SLC35F4: variants seen among roughly 807,000 people sequenced by gnomAD.
SLC35F4 encodes solute carrier family 35 member F4, also known as chromosome 14 open reading frame 36.
Under a neutral mutation model 44.2 loss-of-function variants are expected in SLC35F4, and 24 were observed. The observed-to-expected ratio is 0.54, with a 90% CI of 0.39 to 0.76. The LOEUF is 0.76. SLC35F4 is among the 30% of genes least tolerant of loss of function. The probability of loss-of-function intolerance (pLI) is 0.00; values close to 1 mark genes in which losing one functional copy is unlikely to be tolerated. For synonymous variants in SLC35F4, 238 were observed against 223.6 expected (o/e 1.06, Z -0.57); for missense variants, 562 against 586.1 (o/e 0.96, Z 0.42).
intron 1 of SLC35F4, among the ~76,000 whole-genome samples, chr14:57,782,462 G>A (rs73291858): frequency 0.037 from 5,606 of 151,888 alleles, 356 homozygotes; most frequent in African/African-American, 0.13. Context: ...ACCATAAAAC[G>A]TACACAAATA....
intron 1 of SLC35F4, among the ~76,000 whole-genome samples, chr14:57,782,620 T>G (rs944394150): frequency 5.3e-5 from 8 of 152,202 alleles, no homozygotes; most frequent in African/African-American, 1.7e-4. Flanking sequence ...ACTACAGTAA[T>G]GATTTTGTAG....
intron 1 of SLC35F4, among the ~76,000 whole-genome samples, chr14:57,659,471 A>C (rs1239597717): frequency 6.6e-6 from 1 of 152,148 alleles, no homozygotes; most frequent in Non-Finnish European, 1.5e-5. Flanking sequence ...TTAAATAGAA[A>C]TAGAAATTAA....
At chr14:57,744,935 C>T (rs970625689) in intron 1 of SLC35F4, among the ~76,000 whole-genome samples, 2 of 152,076 alleles carry the variant, frequency 1.3e-5, no homozygotes, top group Non-Finnish European at 2.9e-5. Context: ...GAAATAATAC[C>T]ACACATCTAC....
At chr14:57,979,103 G>A (rs1881299574) in intron 1 of SLC35F4, among the ~76,000 whole-genome samples, 1 of 152,192 alleles carries the variant, frequency 6.6e-6, no homozygotes, top group South Asian at 2.1e-4. Context: ...CTCAGAGATG[G>A]ATGTCTGGGT....
chr14:57,718,735 T>G (rs1273611858), intron 1 of SLC35F4, among the ~76,000 whole-genome samples: 1 of 152,192 alleles, frequency 6.6e-6, no homozygotes, highest in African/African-American at 2.4e-5. Flanking sequence ...TATATATTCT[T>G]GTTGTTAATC....
chr14:57,724,952 T>C (rs1482668522), intron 1 of SLC35F4, among the ~76,000 whole-genome samples: 3 of 152,188 alleles, frequency 2.0e-5, no homozygotes, highest in Admixed American at 1.3e-4. Flanking sequence ...ATGGTTTGGC[T>C]TGATGGTCAG....
intron 1 of SLC35F4, among the ~76,000 whole-genome samples, chr14:57,685,700 CAG>C (rs1282585788): frequency 6.6e-6 from 1 of 152,178 alleles, no homozygotes; most frequent in Non-Finnish European, 1.5e-5. Flanking sequence ...GAATTTAATA[CAG>C]AGACACACTC....
Position 57,910,620 on chromosome 14 carries a change from A to G in SLC35F4, n.282+71293T>C, listed in dbSNP as rs8018197. Among the ~76,000 whole-genome samples the G allele has an allele frequency of 0.025, 3,848 of 152,102 alleles. 430 individuals carry two copies. The East Asian group carries it at 0.4, about 16-fold the overall frequency. On this transcript the variant is annotated intron_variant and non_coding_transcript_variant, in intron 1 of 1. Coordinates refer to the SLC35F4 transcript ENST00000556568. The stretch of plus-strand genomic sequence containing the variant: ...ATGTGGTTCTACTTTTCAGATCTCT[A>G]TTCTGCCCCCATTGAACTATTTGTC...
chr14:57,581,498 C>G, intron 3 of SLC35F4, 65 bp from the exon 4 acceptor site: 1 of 1,399,494 alleles, frequency 7.1e-7, no homozygotes, highest in Non-Finnish European at 9.8e-7. Context: ...TTATCTGACT[C>G]ATCGCAGCCA....
intron 1 of SLC35F4, among the ~76,000 whole-genome samples, chr14:57,900,071 TACTGATTGGTACATTTTACAGAGC>T (rs1888967301): frequency 6.6e-6 from 1 of 152,064 alleles, no homozygotes; most frequent in Non-Finnish European, 1.5e-5. Flanking sequence ...TTTAGGATCC[TACTGATTGGTACATTTTACAGAGC>T]ACTGATTGGT....
chr14:57,670,244 G>C (rs1415296066), intron 1 of SLC35F4, among the ~76,000 whole-genome samples: 1 of 151,888 alleles, frequency 6.6e-6, no homozygotes, highest in Non-Finnish European at 1.5e-5. Flanking sequence ...AGTCTTGCTA[G>C]CAGTCTATCA....
intron 1 of SLC35F4, among the ~76,000 whole-genome samples, chr14:57,638,726 G>A (rs2073108353): frequency 6.6e-6 from 1 of 152,086 alleles, no homozygotes; most frequent in African/African-American, 2.4e-5. Context: ...GGAAAGGCAG[G>A]TGGGTGGCGG....
intron 1 of SLC35F4, among the ~76,000 whole-genome samples, chr14:57,685,275 G>C (rs778545708): frequency 2.6e-5 from 4 of 152,052 alleles, no homozygotes; most frequent in Non-Finnish European, 5.9e-5. Flanking sequence ...AAAAAGTCAA[G>C]GTCATGTAGG....
At chr14:57,647,638 T>C (rs1209672102) in intron 1 of SLC35F4, among the ~76,000 whole-genome samples, 1 of 152,152 alleles carries the variant, frequency 6.6e-6, no homozygotes, top group Non-Finnish European at 1.5e-5. Context: ...CTTCCATTGA[T>C]ATTGAAAAAT....
chr14:57,876,893 A>C (rs1888410639), intron 1 of SLC35F4, among the ~76,000 whole-genome samples: 1 of 152,130 alleles, frequency 6.6e-6, no homozygotes, highest in African/African-American at 2.4e-5. Context: ...ATTATTCCTA[A>C]TGAGGAACTG....
At chr14:57,937,630 G>GAAAAGA (rs1889836609) in intron 1 of SLC35F4, among the ~76,000 whole-genome samples, 1 of 123,846 alleles carries the variant, frequency 8.1e-6, no homozygotes, top group East Asian at 2.4e-4. Flanking sequence ...GAAAAGAAAA[G>GAAAAGA]AAAAGAAAAG....
intron 1 of SLC35F4, among the ~76,000 whole-genome samples, chr14:57,844,580 A>G (rs1885823063): frequency 6.6e-6 from 1 of 152,206 alleles, no homozygotes; most frequent in Non-Finnish European, 1.5e-5. Flanking sequence ...AATTACAGGC[A>G]TTTCTACTTG....
chr14:57,600,710 AAAAAAAAAACC>A (rs1264097459), intron 1 of SLC35F4, among the ~76,000 whole-genome samples: 28 of 149,032 alleles, frequency 1.9e-4, no homozygotes, highest in African/African-American at 6.6e-4. Context: ...AAAAAAAAAA[AAAAAAAAAACC>A]AAAAAGATAA....
intron 1 of SLC35F4, among the ~76,000 whole-genome samples, chr14:57,720,810 A>T (rs1467038699): frequency 6.6e-6 from 1 of 151,858 alleles, no homozygotes; most frequent in Middle Eastern, 3.4e-3. Flanking sequence ...AAAAGACTAG[A>T]CTAGTCTAGC....
Sources: gnomAD v4.1 joint callset for allele counts (sites outside exome capture counted in the v4.1 genomes callset) on GRCh38, gnomAD v4.1.1 for gene constraint, MANE v1.5 for transcripts, NCBI Gene and HGNC (gene_info 2026-07-23, HGNC 2026-07-21) for gene names.